The following DCC variants were observed in gnomAD, a reference collection of about 807,000 sequenced individuals.
DCC encodes the protein DCC netrin 1 receptor.
A neutral mutation model predicts 172.5 loss-of-function variants in DCC; 58 were observed. That is an observed-to-expected ratio of 0.34 (90% CI 0.27 to 0.42). The LOEUF (loss-of-function observed/expected upper bound fraction) is 0.42. Among genes scored for constraint, DCC ranks in the 10% least tolerant of loss-of-function variants. The pLI is 1.00. For synonymous variants in DCC, 709 were observed against 644.5 expected (o/e 1.10, Z -1.52); for missense variants, 1,740 against 1,791.0 (o/e 0.97, Z 0.51).
chr18:53,170,792 G>A (rs978755975), intron 8 of DCC, among the ~76,000 whole-genome samples: 4 of 152,142 alleles, frequency 2.6e-5, no homozygotes, highest in African/African-American at 9.7e-5. Context: ...AAAGTTTAAT[G>A]TGAAGGCCAG....
At chr18:53,425,744 A>G (rs1360833082) in intron 21 of DCC, among the ~76,000 whole-genome samples, 1 of 152,090 alleles carries the variant, frequency 6.6e-6, no homozygotes, top group Non-Finnish European at 1.5e-5. Flanking sequence ...GCCACTTCAA[A>G]TGAAACCCTG....
chr18:52,660,363 G>A (rs1035005707), intron 1 of DCC, among the ~76,000 whole-genome samples: 3 of 151,916 alleles, frequency 2.0e-5, no homozygotes, highest in Admixed American at 1.3e-4. Context: ...AATCCATGAA[G>A]GGACCAAGCA....
intron 17 of DCC, among the ~76,000 whole-genome samples, chr18:53,394,118 C>T (rs756701297): frequency 6.6e-6 from 1 of 152,196 alleles, no homozygotes; most frequent in Admixed American, 6.5e-5. Flanking sequence ...GCAGGACATA[C>T]ACACAATAGG....
rs769711559 is a variant in DCC, at chr18:53,007,153, G to A, written c.986-56152G>A. Among the ~76,000 whole-genome samples, 33 of 152,156 alleles carry A rather than the reference G, an allele frequency of 2.2e-4. 1 individual carries two copies. The highest frequency in any genetic ancestry group is 3.5e-4 in the Non-Finnish European group (24 of 68,020). On this transcript the variant is annotated intron_variant, in intron 5 of 28. Transcript: ENST00000442544. Reference sequence around the variant, plus strand: ...CTTTATACATAGAACAAAATTATTTGCATCTGGCCTTATTGGACTTAAATA... The same window carrying A: ...CTTTATACATAGAACAAAATTATTTACATCTGGCCTTATTGGACTTAAATA...
intron 1 of DCC, among the ~76,000 whole-genome samples, chr18:52,553,658 T>C (rs1490695180): frequency 6.6e-6 from 1 of 151,850 alleles, no homozygotes; most frequent in Non-Finnish European, 1.5e-5. Flanking sequence ...CCAAAAATGG[T>C]AGACAATAAT....
chr18:52,487,904 T>C (rs1568193545), intron 1 of DCC, among the ~76,000 whole-genome samples: 1 of 151,702 alleles, frequency 6.6e-6, no homozygotes, highest in African/African-American at 2.4e-5. Context: ...GACTCTCTGA[T>C]TAACAGGATA....
At chr18:53,244,391 G>T (rs1223082423) in intron 12 of DCC, among the ~76,000 whole-genome samples, 16 of 152,090 alleles carry the variant, frequency 1.1e-4, no homozygotes, top group Admixed American at 1.1e-3. Flanking sequence ...TCCTAGTACA[G>T]ATATGTTTTG....
At chr18:52,461,453 A>G (rs1006028650) in intron 1 of DCC, among the ~76,000 whole-genome samples, 1 of 152,250 alleles carries the variant, frequency 6.6e-6, no homozygotes, top group African/African-American at 2.4e-5. Flanking sequence ...TACATGAACC[A>G]GTAATGCAGT....
intron 2 of DCC, among the ~76,000 whole-genome samples, chr18:52,802,698 G>T (rs1002962746): frequency 2.7e-5 from 3 of 112,294 alleles, no homozygotes; most frequent in African/African-American, 1.1e-4. Context: ...GAGACACAGG[G>T]TCTCACTGTG....
intron 15 of DCC, among the ~76,000 whole-genome samples, chr18:53,348,996 TC>T (rs142281315): frequency 0.3 from 45,157 of 152,138 alleles, 8,595 homozygotes; most frequent in Non-Finnish European, 0.44. Context: ...TATGCAACTT[TC>T]TGCAGCTGGT....
At chr18:53,000,728 G>A (rs2041552378) in intron 5 of DCC, among the ~76,000 whole-genome samples, 1 of 151,114 alleles carries the variant, frequency 6.6e-6, no homozygotes, top group Non-Finnish European at 1.5e-5. Flanking sequence ...GTCAGAGCCA[G>A]TAATATGTCA....
intron 1 of DCC, among the ~76,000 whole-genome samples, chr18:52,528,701 T>A (rs1166259080): frequency 6.6e-6 from 1 of 152,068 alleles, no homozygotes; most frequent in East Asian, 1.9e-4. Flanking sequence ...TGTCTGCTCC[T>A]ACTGTCACTG....
chr18:53,128,868 C>CATATATATATATATAT (rs1461421322), intron 7 of DCC, among the ~76,000 whole-genome samples: 2 of 57,414 alleles, frequency 3.5e-5, no homozygotes, highest in Non-Finnish European at 6.4e-5. Flanking sequence ...CACACACACA[C>CATATATATATATATAT]ACATATATAT....
At chr18:52,889,041 C>T (rs976697659) in intron 2 of DCC, among the ~76,000 whole-genome samples, 4 of 151,862 alleles carry the variant, frequency 2.6e-5, no homozygotes, top group African/African-American at 9.7e-5. Flanking sequence ...AAACAGGAAG[C>T]TCAACAGGGG....
At chr18:53,087,695 G>A (rs2042935704) in intron 7 of DCC, among the ~76,000 whole-genome samples, 1 of 151,682 alleles carries the variant, frequency 6.6e-6, no homozygotes, top group Non-Finnish European at 1.5e-5. Context: ...TGTCCTGAAT[G>A]GTAATGCCTA....
At chr18:52,413,461 A>T (rs1025690601) in intron 1 of DCC, among the ~76,000 whole-genome samples, 1 of 151,900 alleles carries the variant, frequency 6.6e-6, no homozygotes, top group Non-Finnish European at 1.5e-5. Flanking sequence ...TGTATCTGTC[A>T]TCTATATAAC....
intron 11 of DCC, among the ~76,000 whole-genome samples, chr18:53,208,580 A>C (rs892162963): frequency 9.2e-5 from 14 of 152,196 alleles, no homozygotes; most frequent in Non-Finnish European, 1.9e-4. Flanking sequence ...AGCTGATATT[A>C]AAATTTAAAG....
intron 7 of DCC, among the ~76,000 whole-genome samples, chr18:53,112,062 G>A (rs2043340951): frequency 6.6e-6 from 1 of 151,070 alleles, no homozygotes; most frequent in Non-Finnish European, 1.5e-5. Flanking sequence ...GTGACTCTAG[G>A]CATGCATTTA....
chr18:52,385,596 C>A (rs1351533446), intron 1 of DCC, among the ~76,000 whole-genome samples: 1 of 151,986 alleles, frequency 6.6e-6, no homozygotes, highest in African/African-American at 2.4e-5. Context: ...TAAAAACACT[C>A]AGAGGATGAA....
Sources: gnomAD v4.1 joint callset for allele counts (sites outside exome capture counted in the v4.1 genomes callset) on GRCh38, gnomAD v4.1.1 for gene constraint, MANE v1.5 for transcripts, NCBI Gene and HGNC (gene_info 2026-07-23, HGNC 2026-07-21) for gene names.